The following ZSCAN23 variants were observed in gnomAD, a reference collection of about 807,000 sequenced individuals.
ZSCAN23 encodes the protein zinc finger and SCAN domain containing 23.
In ZSCAN23, 19 loss-of-function variants were observed where a neutral mutation model predicts 19.3. The observed-to-expected ratio is 0.99, with a 90% CI of 0.69 to 1.45. The LOEUF (loss-of-function observed/expected upper bound fraction) is 1.45. Ranked by LOEUF, ZSCAN23 falls within the 40% of genes most tolerant of loss-of-function variation. The probability of loss-of-function intolerance (pLI) is 0.00; values close to 1 mark genes in which losing one functional copy is unlikely to be tolerated. For synonymous variants in ZSCAN23, 140 were observed against 166.2 expected (o/e 0.84, Z 1.21); for missense variants, 372 against 462.5 (o/e 0.80, Z 1.79).
intron 1 of ZSCAN23, among the ~76,000 whole-genome samples, chr6:28,438,888 T>A (rs1471896144): frequency 1.3e-5 from 2 of 152,012 alleles, no homozygotes; most frequent in South Asian, 2.1e-4. Flanking sequence ...CGAAGAAAAA[T>A]TAGATTCATA....
chr6:28,438,671 C>T lies in ZSCAN23; in HGVS notation c.-77-2328G>A, dbSNP rs551028757. Among the ~76,000 whole-genome samples, 5 of 152,216 alleles carry T rather than the reference C, an allele frequency of 3.3e-5. No homozygotes were observed. The South Asian group carries it at 6.2e-4, about 19-fold the overall frequency. On this transcript the variant is annotated intron_variant, in intron 1 of 3. Coordinates refer to ENST00000289788, the MANE Select transcript of ZSCAN23 (RefSeq NM_001012455.2). ...AAGGGGGAAAAGCCCCTTATAAAAC[C>T]GTCAGATCTCATGAGAACGCACTGT... is the stretch of plus-strand genomic sequence containing the variant.
Position 28,436,329 on chromosome 6 carries a change from T to TGATAC in ZSCAN23, c.-64_-63insGTATC. On this transcript the variant is annotated 5_prime_UTR_variant, in exon 2 of 4. An upstream open reading frame in the 5' UTR loses its in-frame stop. Coordinates refer to ENST00000289788, the MANE Select transcript of ZSCAN23 (RefSeq NM_001012455.2). Reference sequence around the variant, plus strand: ...ATAATTCTCCCTTGATCTTTTCTTCTGGAAACCCCGAGATCTAGACAATAA... The same window carrying TGATAC: ...ATAATTCTCCCTTGATCTTTTCTTCTGATACGGAAACCCCGAGATCTAGACAATAA... The TGATAC allele has an allele frequency of 7.5e-7, 1 of 1,340,968 alleles. No homozygotes were observed. Among genetic ancestry groups the TGATAC allele is most frequent in the South Asian group, 1.9e-5 (1 of 51,876 alleles). The allele number at this position is 1,340,968 out of a possible 1,614,324, so 83.1% of individuals were successfully genotyped here.
Position 28,435,046 on chromosome 6 carries a change from C to A in ZSCAN23, c.589G>T (p.Ala197Ser). 6 of 1,549,232 alleles carry A rather than the reference C, an allele frequency of 3.9e-6. No individual in the cohort carries two copies. Among genetic ancestry groups the A allele is most frequent in the Non-Finnish European group, 5.2e-6 (6 of 1,145,218 alleles). Residue 197 changes from alanine to serine, a missense_variant, in exon 4 of 4, where the codon GCC becomes TCC. Coordinates refer to ENST00000289788, the MANE Select transcript of ZSCAN23 (RefSeq NM_001012455.2). ...GKAGTWNVEL[A>S]PKREISQEVK... ...TCCTGAGAAATCTCCCTCTTTGGGG[C>A]TAACTCCACATTCCAAGTCCCAGCC...
the ZSCAN23 span, among the ~76,000 whole-genome samples, chr6:28,426,008 G>GTCTT: frequency 1.3e-5 from 2 of 152,262 alleles, no homozygotes; most frequent in East Asian, 3.9e-4. Context: ...TCTCTCAGCC[G>GTCTT]TCACAGAATT....
In ZSCAN23 at chr6:28,436,363, GA is replaced by G; in HGVS notation, c.-77-21del. 4 of 1,285,306 alleles carry G rather than the reference GA, an allele frequency of 3.1e-6. No individual in the cohort carries two copies. Among genetic ancestry groups the G allele is most frequent in the Middle Eastern group, 2.7e-4 (1 of 3,680 alleles). The allele number at this position is 1,285,306 out of a possible 1,614,324, so 79.6% of individuals were successfully genotyped here. A position where few individuals can be genotyped will look rare whatever the true frequency, so the allele number is the denominator to read the frequency against. ...CGAGATCTAGACAATAATTTACGAA[GA>G]AAAAAATATAAAAATGCAGAAAACC... On this transcript the variant is annotated intron_variant, in intron 1 of 3. Coordinates refer to ENST00000289788, the MANE Select transcript of ZSCAN23 (RefSeq NM_001012455.2).
In ZSCAN23 at chr6:28,434,817, C is replaced by G. The variant is rs1315177925; in HGVS notation, c.818G>C (p.Gly273Ala). The G allele has an allele frequency of 1.9e-5, 31 of 1,596,830 alleles. No individual in the cohort carries two copies. Among genetic ancestry groups the G allele is most frequent in the Non-Finnish European group, 2.6e-5 (31 of 1,171,498 alleles). The change falls in exon 4 of 4, where the codon GGT becomes GCT. Residue 273 changes from glycine to alanine, a missense_variant. Gly to Ala is a moderately conservative substitution (Grantham distance 60). Coordinates refer to ENST00000289788, the MANE Select transcript of ZSCAN23 (RefSeq NM_001012455.2). The stretch of plus-strand genomic sequence containing the variant: ...CTCATCACATTCATAAGGCTTCTCA[C>G]CTGTGTGTGTTCTCTGGTGCTCGAT... Reference protein sequence around the residue: ...ILIEHQRTHTGEKPYECDECG... With the variant: ...ILIEHQRTHTAEKPYECDECG...
At position 28,435,852 on chromosome 6, in the gene ZSCAN23, T is replaced by C. The variant is rs57126418; in HGVS notation, c.408+7A>G. The C allele has an allele frequency of 0.063, 99,613 of 1,569,190 alleles. 4,252 individuals carry two copies. Among genetic ancestry groups the C allele is most frequent in the South Asian group, 0.17 (14,169 of 82,556 alleles). Reference sequence around the variant, plus strand: ...AGGTACAAATCCCTGTTCTCCCATCTTCTCACCTGCTCTCCTGGGTCATCC... The same window carrying C: ...AGGTACAAATCCCTGTTCTCCCATCCTCTCACCTGCTCTCCTGGGTCATCC... On this transcript the variant is annotated splice_region_variant and intron_variant, in intron 2 of 3. Coordinates refer to ENST00000289788, the MANE Select transcript of ZSCAN23 (RefSeq NM_001012455.2).
At position 28,438,530 on chromosome 6, in the gene ZSCAN23, T is replaced by C. The variant is rs192912537; in HGVS notation, c.-77-2187A>G. Among the ~76,000 whole-genome samples, 9 of 152,294 alleles carry C rather than the reference T, an allele frequency of 5.9e-5. 1 individual carries two copies. The highest frequency in any genetic ancestry group is 5.9e-4 in the Admixed American group (9 of 15,292). On this transcript the variant is annotated intron_variant, in intron 1 of 3. Coordinates refer to ENST00000289788, the MANE Select transcript of ZSCAN23 (RefSeq NM_001012455.2). ...TGGGTAATTTATAAAGGAAAGAGGT[T>C]TAATTGACCCACAGTTCAGCATGGC... is the stretch of plus-strand genomic sequence containing the variant.
Position 28,436,271 on chromosome 6 carries a change from G to A in ZSCAN23, c.-5C>T, listed in dbSNP as rs1029959892. ...AAGGGTCAAGGTTATGGCCATCAAA[G>A]GTTTAACTATTCAGAAAAATAATCT... On this transcript the variant is annotated 5_prime_UTR_variant, in exon 2 of 4. Coordinates refer to ENST00000289788, the MANE Select transcript of ZSCAN23 (RefSeq NM_001012455.2). 49 of 1,516,700 alleles carry A rather than the reference G, an allele frequency of 3.2e-5. 1 individual carries two copies. In the African/African-American group the frequency reaches 6.6e-4, roughly 20 times the overall value. The allele number at this position is 1,516,700 out of a possible 1,614,324, so 94.0% of individuals were successfully genotyped here.
At chr6:28,428,374 C>A (rs139283488), downstream of ZSCAN23, among the ~76,000 whole-genome samples, 1 of 152,170 alleles carries the variant, frequency 6.6e-6, no homozygotes, top group Non-Finnish European at 1.5e-5. Flanking sequence ...CCACACTTAC[C>A]TAATAATTTA....
At chr6:28,442,766 G>A (rs1196491673) in intron 1 of ZSCAN23, among the ~76,000 whole-genome samples, 1 of 152,176 alleles carries the variant, frequency 6.6e-6, no homozygotes, top group Non-Finnish European at 1.5e-5. Context: ...CTACGACCTT[G>A]GGCAAGTTAC....
downstream of ZSCAN23, among the ~76,000 whole-genome samples, chr6:28,431,538 A>T (rs533604839): frequency 2.0e-5 from 3 of 152,324 alleles, no homozygotes; most frequent in South Asian, 6.2e-4. Flanking sequence ...GGGGCTGAGA[A>T]AACTGCACTT....
the ZSCAN23 span, among the ~76,000 whole-genome samples, chr6:28,423,694 C>T: frequency 1.3e-5 from 2 of 152,180 alleles, no homozygotes; most frequent in Non-Finnish European, 2.9e-5. Context: ...TTTCATTCTT[C>T]TGCAGTTGGT....
At position 28,434,940 on chromosome 6, in the gene ZSCAN23, C is replaced by T. The variant is rs73740617; in HGVS notation, c.695G>A (p.Arg232His). Residue 232 changes from arginine (R) to histidine (H), a missense_variant, in exon 4 of 4, where the codon CGT becomes CAT. Coordinates refer to ENST00000289788, the MANE Select transcript of ZSCAN23 (RefSeq NM_001012455.2). ...QIPEYGDTCD[R>H]EGRLEKQRVS... ...CCTTTGCTTTTCCAATCTGCCCTCA[C>T]GGTCACAGGTATCTCCATACTCAGG... 33 of 1,551,890 alleles carry T rather than the reference C, an allele frequency of 2.1e-5. No individual in the cohort carries two copies. The highest frequency in any genetic ancestry group is 1.4e-4 in the South Asian group (12 of 84,068).
chr6:28,426,655 G>A, the ZSCAN23 span, among the ~76,000 whole-genome samples: 3 of 152,236 alleles, frequency 2.0e-5, no homozygotes, highest in Non-Finnish European at 4.4e-5. Context: ...GAAAAATGGT[G>A]TTGACAGACT....
chr6:28,432,535 G>T (rs1390689447), downstream of ZSCAN23: 4 of 152,128 alleles, frequency 2.6e-5, no homozygotes, highest in African/African-American at 9.7e-5. Flanking sequence ...CTCTGTAGAA[G>T]AATTATGTGC....
chr6:28,439,048 A>G (rs1196100100), intron 1 of ZSCAN23, among the ~76,000 whole-genome samples: 4 of 151,954 alleles, frequency 2.6e-5, no homozygotes, highest in African/African-American at 9.7e-5. Flanking sequence ...CAGGAAATGT[A>G]CAGAGGATTT....
rs1195772237 is a variant in ZSCAN23, at chr6:28,434,951, A to G, written c.684T>C (p.Asp228=). Residue 228 remains aspartate (D), a synonymous_variant, in exon 4 of 4, where the codon GAT becomes GAC. Transcript: ENST00000289788. The part of the protein sequence containing the change: ...GNITQIPEYG[D]TCDREGRLEK... ...CCAATCTGCCCTCACGGTCACAGGT[A>G]TCTCCATACTCAGGAATCTGAGTAA... The G allele has an allele frequency of 1.9e-6, 3 of 1,551,832 alleles. No individual in the cohort carries two copies. In the East Asian group the frequency reaches 7.3e-5, roughly 38 times the overall value.
In ZSCAN23 at chr6:28,433,782, A is replaced by G. The variant is rs944400342; in HGVS notation, c.*683T>C. 1.3e-5 allele frequency: 2 copies of G among 152,208 alleles called. No homozygotes were observed. Among genetic ancestry groups the G allele is most frequent in the Admixed American group, 6.5e-5 (1 of 15,276 alleles). The allele number at this position is 152,208 out of a possible 1,614,324, so 9.4% of individuals were successfully genotyped here. On this transcript the variant is annotated 3_prime_UTR_variant, in exon 4 of 4. Transcript: ENST00000289788. ...AATACAAAGAGGCCTGTATTTTCCAATAAGAAATCTGAGGTGAGATATCAG... is the reference window on the plus strand; with the variant it reads ...AATACAAAGAGGCCTGTATTTTCCAGTAAGAAATCTGAGGTGAGATATCAG...
Sources: gnomAD v4.1 joint callset for allele counts (sites outside exome capture counted in the v4.1 genomes callset) on GRCh38, gnomAD v4.1.1 for gene constraint, MANE v1.5 for transcripts, NCBI Gene and HGNC (gene_info 2026-07-23, HGNC 2026-07-21) for gene names.